Variants in LY6S observed in about 807,000 individuals in gnomAD.
LY6S encodes lymphocyte antigen 6 family member S, also known as lymphocyte antigen 6S.
At chr8:143,057,811 T>C in the LY6S span, 1 of 772,000 alleles carries the variant, frequency 1.3e-6, no homozygotes. Context: ...CATCAACAGC[T>C]AGACTGGGTG....
At chr8:143,065,441 C>G in the LY6S span, among the ~76,000 whole-genome samples, 1 of 152,206 alleles carries the variant, frequency 6.6e-6, no homozygotes, top group Non-Finnish European at 1.5e-5. Flanking sequence ...GCCCCCTTTG[C>G]CTGACCTCTG....
At chr8:143,070,489 ATTTTT>A in the LY6S span, among the ~76,000 whole-genome samples, 1 of 81,706 alleles carries the variant, frequency 1.2e-5, no homozygotes, top group African/African-American at 7.7e-5. Context: ...ATATATATAT[ATTTTT>A]TTTTTTTTTT....
At chr8:143,060,648 C>T in the LY6S span, among the ~76,000 whole-genome samples, 9 of 152,192 alleles carry the variant, frequency 5.9e-5, no homozygotes, top group African/African-American at 1.9e-4. Flanking sequence ...ACGGCACGGC[C>T]AGGCATTCAG....
chr8:143,046,649 A>G, the LY6S span, among the ~76,000 whole-genome samples: 1 of 152,014 alleles, frequency 6.6e-6, no homozygotes, highest in African/African-American at 2.4e-5. Context: ...TCACAAGCTA[A>G]CTTGCCTTTG....
At chr8:143,047,633 T>C in the LY6S span, 2 of 152,174 alleles carry the variant, frequency 1.3e-5, no homozygotes, top group Non-Finnish European at 2.9e-5. Flanking sequence ...AGCAGGCATA[T>C]TTGATTTTCC....
the LY6S span, among the ~76,000 whole-genome samples, chr8:143,048,726 TCC>T: frequency 6.6e-6 from 1 of 152,126 alleles, no homozygotes; most frequent in African/African-American, 2.4e-5. Flanking sequence ...CACCTTGGCC[TCC>T]CTAAGTGTTG....
chr8:143,074,705 T>C, the LY6S span, among the ~76,000 whole-genome samples: 9 of 152,240 alleles, frequency 5.9e-5, no homozygotes. Flanking sequence ...CTGGGTTATC[T>C]GTGCATCTGC....
At chr8:143,047,650 T>G in the LY6S span, 1 of 152,216 alleles carries the variant, frequency 6.6e-6, no homozygotes, top group Admixed American at 6.5e-5. Context: ...TTCCCTGTCC[T>G]CAGACTGACC....
At chr8:143,056,363 C>T in the LY6S span, among the ~76,000 whole-genome samples, 14 of 151,294 alleles carry the variant, frequency 9.3e-5, no homozygotes, top group Admixed American at 3.3e-4. Flanking sequence ...ATCATAACCC[C>T]GAATATATAT....
the LY6S span, chr8:143,044,695 C>T: frequency 1.5e-6 from 2 of 1,367,584 alleles, no homozygotes; most frequent in Non-Finnish European, 2.0e-6. Context: ...GCCAAAGACG[C>T]TCACTTTCTG....
the LY6S span, chr8:143,053,566 C>T: frequency 6.6e-6 from 1 of 152,216 alleles, no homozygotes; most frequent in Non-Finnish European, 1.5e-5. Flanking sequence ...ATAGCAGCCC[C>T]AACCGTCAAT....
chr8:143,076,024 G>GA, the LY6S span, among the ~76,000 whole-genome samples: 3 of 151,786 alleles, frequency 2.0e-5, no homozygotes, highest in South Asian at 2.1e-4. Context: ...CTGTTGCCTT[G>GA]AAAAAAAATG....
chr8:143,055,299 C>T, the LY6S span, among the ~76,000 whole-genome samples: 6 of 152,206 alleles, frequency 3.9e-5, no homozygotes, highest in East Asian at 3.9e-4. Flanking sequence ...GAAGCTGGGG[C>T]GGAGCAGGCC....
the LY6S span, among the ~76,000 whole-genome samples, chr8:143,061,420 A>C: frequency 2.0e-5 from 3 of 152,254 alleles, no homozygotes; most frequent in African/African-American, 7.2e-5. Context: ...CATATCTAAT[A>C]AAATAGCTTC....
At chr8:143,043,252 C>T in the LY6S span, 2 of 1,364,404 alleles carry the variant, frequency 1.5e-6, no homozygotes, top group Non-Finnish European at 2.0e-6. Context: ...TGGGAGTCCA[C>T]AACGGCACTT....
chr8:143,041,282 C>T, the LY6S span, among the ~76,000 whole-genome samples: 91,164 of 151,998 alleles, frequency 0.6, 27,720 homozygotes, highest in South Asian at 0.68. Flanking sequence ...TCAGAGGCCT[C>T]CCCTTAGGGA....
chr8:143,057,418 T>G, the LY6S span: 74 of 450,892 alleles, frequency 1.6e-4, no homozygotes, highest in Middle Eastern at 1.4e-3. Flanking sequence ...CCCGGCTACA[T>G]TTTGTATTTT....
the LY6S span, among the ~76,000 whole-genome samples, chr8:143,052,047 T>C: frequency 2.0e-5 from 3 of 151,382 alleles, no homozygotes; most frequent in East Asian, 1.9e-4. Context: ...TTTGGGAAGC[T>C]GAGGCGGGCA....
chr8:143,057,495 G>A, the LY6S span: 76 of 695,450 alleles, frequency 1.1e-4, no homozygotes, highest in Admixed American at 4.9e-4. Flanking sequence ...TGATCCGCCC[G>A]CCCCGGCCTC....
Sources: gnomAD v4.1 joint callset for allele counts (sites outside exome capture counted in the v4.1 genomes callset) on GRCh38, gnomAD v4.1.1 for gene constraint, MANE v1.5 for transcripts, NCBI Gene and HGNC (gene_info 2026-07-23, HGNC 2026-07-21) for gene names.